The following RAPGEF4 variants were observed in gnomAD, a reference collection of about 807,000 sequenced individuals.
The protein encoded by RAPGEF4 is Rap guanine nucleotide exchange factor 4.
A neutral mutation model predicts 147.9 loss-of-function variants in RAPGEF4; 66 were observed. The observed-to-expected ratio is 0.45, with a 90% confidence interval of 0.37 to 0.55. The LOEUF is 0.55. RAPGEF4 is among the 20% of genes least tolerant of loss of function. The pLI is 0.00. For missense variants in RAPGEF4, 1,071 were observed against 1,257.3 expected, an observed-to-expected ratio of 0.85 and a Z score of 2.24; for synonymous variants, 419 against 442.7, an observed-to-expected ratio of 0.95 and a Z score of 0.67.
At chr2:172,990,039 A>C (rs548095153) in intron 14 of RAPGEF4, among the ~76,000 whole-genome samples, 151 of 151,960 alleles carry the variant, frequency 9.9e-4, no homozygotes, top group Middle Eastern at 3.4e-3. Context: ...AGAAAAGAAA[A>C]AAAAAGGCTA....
At chr2:172,987,301 CAAAAAAT>C (rs999221718) in intron 12 of RAPGEF4, among the ~76,000 whole-genome samples, 9 of 151,952 alleles carry the variant, frequency 5.9e-5, no homozygotes, top group African/African-American at 9.7e-5. Flanking sequence ...GACCCTGTCT[CAAAAAAT>C]AAAAAATAAA....
chr2:172,908,613 A>C (rs1030679827), intron 4 of RAPGEF4, among the ~76,000 whole-genome samples: 6 of 152,220 alleles, frequency 3.9e-5, no homozygotes, highest in Non-Finnish European at 7.3e-5. Flanking sequence ...GAGATGATCT[A>C]ATCTTGTGGT....
chr2:173,022,152 A>C (rs2105926593), intron 23 of RAPGEF4, among the ~76,000 whole-genome samples: 1 of 152,326 alleles, frequency 6.6e-6, no homozygotes, highest in East Asian at 1.9e-4. Context: ...ATGTTACTGC[A>C]CGGGTGCTGG....
At chr2:172,805,894 C>T (rs1463425639) in intron 3 of RAPGEF4, among the ~76,000 whole-genome samples, 1 of 152,074 alleles carries the variant, frequency 6.6e-6, no homozygotes, top group Non-Finnish European at 1.5e-5. Flanking sequence ...TATTTTTTCT[C>T]AGTAATATTT....
At chr2:173,045,636 C>T (rs1176406301) in intron 29 of RAPGEF4, among the ~76,000 whole-genome samples, 1 of 152,140 alleles carries the variant, frequency 6.6e-6, no homozygotes, top group East Asian at 1.9e-4. Context: ...GAGTCTTATG[C>T]AAATGCATTA....
intron 15 of RAPGEF4, among the ~76,000 whole-genome samples, chr2:172,996,069 T>C (rs893232949): frequency 9.2e-5 from 14 of 152,330 alleles, no homozygotes; most frequent in African/African-American, 3.1e-4. Flanking sequence ...AACCCATATA[T>C]GGATAACCTA....
chr2:172,823,060 G>T (rs1351286761), intron 4 of RAPGEF4, among the ~76,000 whole-genome samples: 1 of 152,196 alleles, frequency 6.6e-6, no homozygotes, highest in Non-Finnish European at 1.5e-5. Context: ...AATACTCTAA[G>T]AAAGATCCAG....
chr2:172,893,483 C>T (rs1461531752), intron 4 of RAPGEF4, among the ~76,000 whole-genome samples: 1 of 152,196 alleles, frequency 6.6e-6, no homozygotes, highest in East Asian at 1.9e-4. Flanking sequence ...AGCGCATCGA[C>T]CCCCAGATGG....
At chr2:172,777,343 A>G (rs2149500991) in intron 1 of RAPGEF4, among the ~76,000 whole-genome samples, 1 of 152,114 alleles carries the variant, frequency 6.6e-6, no homozygotes, top group East Asian at 1.9e-4. Flanking sequence ...TGTTCTCGGT[A>G]CTGGAGATAC....
At chr2:173,000,347 G>A (rs553727839) in intron 16 of RAPGEF4, among the ~76,000 whole-genome samples, 6 of 152,172 alleles carry the variant, frequency 3.9e-5, no homozygotes, top group Admixed American at 1.3e-4. Flanking sequence ...GCATTAAAAT[G>A]TACGTATTTC....
chr2:173,017,274 G>A (rs1215224163), intron 20 of RAPGEF4, 70 bp downstream of exon 20: 3 of 1,531,682 alleles, frequency 2.0e-6, no homozygotes, highest in Non-Finnish European at 2.7e-6. Flanking sequence ...ATATTATATT[G>A]CAGTATACAT....
At chr2:172,816,660 C>A (rs1444184872) in intron 4 of RAPGEF4, among the ~76,000 whole-genome samples, 1 of 152,194 alleles carries the variant, frequency 6.6e-6, no homozygotes, top group African/African-American at 2.4e-5. Context: ...AACCTTGTCA[C>A]ATGTTTTGCA....
Position 172,930,677 on chromosome 2 carries a change from T to C in RAPGEF4, c.537+8377T>C, listed in dbSNP as rs1009423359. Among the ~76,000 whole-genome samples, 20 of 152,344 alleles carry C rather than the reference T, an allele frequency of 1.3e-4. No homozygotes were observed. In the South Asian group the frequency reaches 2.1e-3, roughly 16 times the overall value. On this transcript the variant is annotated intron_variant, in intron 6 of 30. Coordinates refer to ENST00000397081, the MANE Select transcript of RAPGEF4 (RefSeq NM_007023.4). Reference sequence around the variant, plus strand: ...AATTGGGTATCATTGTTAAATTTGATAAGAATGTTTTTGATTTGATTCCAT... The same window carrying C: ...AATTGGGTATCATTGTTAAATTTGACAAGAATGTTTTTGATTTGATTCCAT...
chr2:172,934,693 G>A (rs1379149761), intron 6 of RAPGEF4, among the ~76,000 whole-genome samples: 1 of 151,628 alleles, frequency 6.6e-6, no homozygotes, highest in Non-Finnish European at 1.5e-5. Context: ...CACCTGAACC[G>A]GAAGGATTTC....
intron 1 of RAPGEF4, among the ~76,000 whole-genome samples, chr2:172,790,848 G>A (rs1283659334): frequency 1.3e-5 from 2 of 152,182 alleles, no homozygotes; most frequent in African/African-American, 2.4e-5. Flanking sequence ...TAAAATCACC[G>A]GGATGTGGTG....
intron 6 of RAPGEF4, among the ~76,000 whole-genome samples, chr2:172,926,263 C>A (rs1245119247): frequency 6.6e-6 from 1 of 152,198 alleles, no homozygotes; most frequent in Admixed American, 6.5e-5. Context: ...TTAAAAATCA[C>A]AATGATAAGA....
At chr2:172,839,930 A>G (rs1230702564) in intron 4 of RAPGEF4, among the ~76,000 whole-genome samples, 1 of 152,226 alleles carries the variant, frequency 6.6e-6, no homozygotes, top group African/African-American at 2.4e-5. Flanking sequence ...TATCAATATA[A>G]AAGTTGCTAA....
intron 10 of RAPGEF4, among the ~76,000 whole-genome samples, chr2:172,972,507 A>G (rs1690602750): frequency 6.6e-6 from 1 of 152,244 alleles, no homozygotes; most frequent in South Asian, 2.1e-4. Context: ...AGTCACGGCG[A>G]ATCCTTCCTT....
rs1473537157 is a variant in RAPGEF4 at position 173,001,384 on chromosome 2, A to C, written c.1658+40A>C. ...TGATTGTAAGTCCCTATTCCCTCGA[A>C]GACAACCCCCCCTATCGAGGGCCAT... On this transcript the variant is annotated intron_variant, in intron 17 of 30. Transcript: ENST00000397081. The C allele has an allele frequency of 6.2e-6, 10 of 1,611,028 alleles. No individual in the cohort carries two copies. In the African/African-American group the frequency reaches 1.4e-4, roughly 22 times the overall value.
Sources: allele counts gnomAD v4.1 joint callset (sites outside exome capture counted in the v4.1 genomes callset), GRCh38; gene constraint gnomAD v4.1.1; transcripts MANE v1.5; gene names NCBI Gene and HGNC (gene_info 2026-07-23, HGNC 2026-07-21).